Variants in PIAS2 observed in about 807,000 individuals in gnomAD.
PIAS2 encodes E3 SUMO-protein ligase PIAS2.
PIAS2 carries 19 observed loss-of-function variants against 69.7 expected under a neutral mutation model. The ratio of observed to expected loss-of-function variants is 0.27; its 90% CI spans 0.19 to 0.40. The LOEUF (loss-of-function observed/expected upper bound fraction) is 0.40, where lower values mean the gene tolerates loss of function less well. PIAS2 is among the 10% of genes least tolerant of loss of function. The probability of loss-of-function intolerance (pLI) is 1.00; values close to 1 mark genes in which losing one functional copy is unlikely to be tolerated. For synonymous variants in PIAS2, 261 were observed against 263.2 expected, an observed-to-expected ratio of 0.99 and a Z score of 0.08; for missense variants, 624 against 757.0, an observed-to-expected ratio of 0.82 and a Z score of 2.06.
intron 12 of PIAS2, among the ~76,000 whole-genome samples, chr18:46,820,183 T>C (rs2042012412): frequency 6.6e-6 from 1 of 152,130 alleles, no homozygotes; most frequent in South Asian, 2.1e-4. Context: ...ATTAACTATC[T>C]CAGTACACAG....
chr18:46,888,120 G>C (rs1451773326), intron 2 of PIAS2, among the ~76,000 whole-genome samples: 1 of 151,812 alleles, frequency 6.6e-6, no homozygotes, highest in East Asian at 1.9e-4. Flanking sequence ...GTATCAAAAA[G>C]AAAAAATATT....
intron 2 of PIAS2, among the ~76,000 whole-genome samples, chr18:46,872,182 G>A (rs938641738): frequency 6.6e-6 from 1 of 152,274 alleles, no homozygotes; most frequent in South Asian, 2.1e-4. Context: ...ATGCTGACTA[G>A]TGCAAGGCCC....
At chr18:46,882,486 T>A (rs1030519859) in intron 2 of PIAS2, among the ~76,000 whole-genome samples, 1 of 152,168 alleles carries the variant, frequency 6.6e-6, no homozygotes, top group Non-Finnish European at 1.5e-5. Context: ...TATCAAAATA[T>A]AAAATATTCA....
Position 46,811,678 on chromosome 18 carries a change from A to G in PIAS2, c.*755T>C, listed in dbSNP as rs1781183503. ...TGAAAAATGTACAATTACTAAAAAC[A>G]TAATAACACACTTTATGTCAGGGCA... On this transcript the variant is annotated 3_prime_UTR_variant, in exon 14 of 14. Transcript: ENST00000585916. 6.6e-6 allele frequency: 1 copy of G among 152,230 alleles called. No individual in the cohort carries two copies. The highest frequency in any genetic ancestry group is 1.5e-5 in the Non-Finnish European group (1 of 68,042). 9.4% of individuals were successfully genotyped at this position (152,230 alleles called of 1,614,324 possible).
intron 2 of PIAS2, among the ~76,000 whole-genome samples, chr18:46,882,382 T>C (rs1338926986): frequency 5.9e-5 from 9 of 152,020 alleles, no homozygotes. Flanking sequence ...TGCTGATGAG[T>C]GTATAGGGAA....
chr18:46,824,169 G>C (rs567331578), intron 11 of PIAS2, among the ~76,000 whole-genome samples: 13 of 152,264 alleles, frequency 8.5e-5, no homozygotes, highest in African/African-American at 2.9e-4. Context: ...GCAAATATTA[G>C]TATTCCGGAT....
intron 1 of PIAS2, chr18:46,917,011 G>C (rs1050341937): frequency 2.0e-6 from 2 of 986,768 alleles, no homozygotes; most frequent in African/African-American, 1.7e-5. Context: ...ACTGCGAACC[G>C]GGATGTCGGG....
intron 1 of PIAS2, chr18:46,901,049 G>A: frequency 2.5e-6 from 1 of 406,752 alleles, no homozygotes; most frequent in South Asian, 1.8e-5. Flanking sequence ...AACAGAAGAT[G>A]AGAGAATATT....
intron 2 of PIAS2, among the ~76,000 whole-genome samples, chr18:46,887,221 T>C (rs2053348866): frequency 6.6e-6 from 1 of 151,346 alleles, no homozygotes; most frequent in African/African-American, 2.4e-5. Context: ...GGATCACCAG[T>C]TTTGCTAAAA....
At chr18:46,846,909 A>G in intron 5 of PIAS2, 68 bp from the exon 6 acceptor site, 1 of 1,407,464 alleles carries the variant, frequency 7.1e-7, no homozygotes, top group Non-Finnish European at 9.5e-7. Flanking sequence ...TCTCCAAGAT[A>G]GATACAGGAT....
In PIAS2 at chr18:46,899,447, C is replaced by T. The variant is rs111562382; in HGVS notation, c.25-8393G>A. 5.3e-3 allele frequency among the ~76,000 whole-genome samples: 801 copies of T among 152,318 alleles called. 8 individuals are homozygous for T. The highest frequency in any genetic ancestry group is 0.019 in the African/African-American group (769 of 41,556). On this transcript the variant is annotated intron_variant, in intron 1 of 13. Coordinates refer to ENST00000585916, the MANE Select transcript of PIAS2 (RefSeq NM_004671.5). Reference sequence around the variant, plus strand: ...TGAAAGGCAAAAAGCTCACCACTGCCGAACCAGAGTAATCTAGAGGAATGA... The same window carrying T: ...TGAAAGGCAAAAAGCTCACCACTGCTGAACCAGAGTAATCTAGAGGAATGA...
intron 2 of PIAS2, among the ~76,000 whole-genome samples, chr18:46,886,151 T>G (rs2145923268): frequency 6.6e-6 from 1 of 152,306 alleles, no homozygotes; most frequent in East Asian, 1.9e-4. Flanking sequence ...TAAAACACAT[T>G]CCACTGTAAC....
At chr18:46,851,917 T>C (rs2145374217) in intron 5 of PIAS2, among the ~76,000 whole-genome samples, 1 of 152,260 alleles carries the variant, frequency 6.6e-6, no homozygotes, top group East Asian at 1.9e-4. Context: ...TAATGGGCAA[T>C]TCATGACTGT....
At chr18:46,887,972 G>C (rs1415874673) in intron 2 of PIAS2, among the ~76,000 whole-genome samples, 3 of 152,066 alleles carry the variant, frequency 2.0e-5, no homozygotes, top group Non-Finnish European at 4.4e-5. Flanking sequence ...AAACCTTAAA[G>C]ATTTCACACA....
At chr18:46,841,748 T>C (rs1205807938) in intron 8 of PIAS2, among the ~76,000 whole-genome samples, 1 of 152,232 alleles carries the variant, frequency 6.6e-6, no homozygotes, top group African/African-American at 2.4e-5. Context: ...TTGTCACTTC[T>C]GAGCAGAGAG....
intron 8 of PIAS2, among the ~76,000 whole-genome samples, chr18:46,841,556 A>G (rs1404896546): frequency 6.6e-6 from 1 of 152,176 alleles, no homozygotes; most frequent in East Asian, 1.9e-4. Flanking sequence ...AATCTAATCA[A>G]AACACCTGTG....
chr18:46,814,359 A>T (rs925393498), intron 13 of PIAS2, among the ~76,000 whole-genome samples: 1 of 152,176 alleles, frequency 6.6e-6, no homozygotes, highest in African/African-American at 2.4e-5. Context: ...AATTTTTTTT[A>T]AAAGAACTGG....
Position 46,821,053 on chromosome 18 carries a change from A to G in PIAS2, c.1528T>C (p.Ser510Pro), listed in dbSNP as rs1013025044. 1 of 1,613,436 alleles carries G rather than the reference A, an allele frequency of 6.2e-7. No homozygotes were observed. Among genetic ancestry groups the G allele is most frequent in the East Asian group, 2.2e-5 (1 of 44,876 alleles). The change falls in exon 12 of 14, where the codon TCT (serine) becomes CCT (proline). Residue 510 changes from serine to proline, a missense_variant. Transcript: ENST00000585916. ...PTKGVLMYQP[S>P]SVRVPSVTSV... ...GTCACACTGGGCACCCTTACAGAAG[A>G]TGGCTGATACATGAGAACCCTGTTT...
intron 11 of PIAS2, among the ~76,000 whole-genome samples, chr18:46,823,242 T>C (rs2042385857): frequency 1.3e-5 from 2 of 151,802 alleles, no homozygotes; most frequent in Admixed American, 1.3e-4. Flanking sequence ...CAAAAAAAAG[T>C]ACATTTAACC....
Sources: gnomAD v4.1 joint callset for allele counts (sites outside exome capture counted in the v4.1 genomes callset) on GRCh38, gnomAD v4.1.1 for gene constraint, MANE v1.5 for transcripts, NCBI Gene and HGNC (gene_info 2026-07-23, HGNC 2026-07-21) for gene names.